The following IL31RA variants were observed in gnomAD, a reference collection of about 807,000 sequenced individuals.
The protein encoded by IL31RA is interleukin-31 receptor subunit alpha.
IL31RA carries 66 observed loss-of-function variants against 83.7 expected under a neutral mutation model. That is an observed-to-expected ratio of 0.79 (90% CI 0.65 to 0.97). The LOEUF is 0.97. Ranked by LOEUF, IL31RA falls within the 50% of genes least tolerant of loss-of-function variation. IL31RA has a pLI of 0.00. For synonymous variants in IL31RA, 325 were observed against 329.0 expected (o/e 0.99, Z 0.13); for missense variants, 798 against 919.4 (o/e 0.87, Z 1.71).
Position 55,916,737 on chromosome 5 carries a change from G to A in IL31RA, c.1912G>A (p.Asp638Asn). 6.2e-7 allele frequency: 1 copy of A among 1,614,194 alleles called. No individual in the cohort carries two copies. The highest frequency in any genetic ancestry group is 8.5e-7 in the Non-Finnish European group (1 of 1,180,024). The change falls in exon 15 of 15, where the codon GAC becomes AAC. Residue 638 changes from aspartate to asparagine, a missense_variant. Transcript: ENST00000652347. ...CSTPSDKLVI[D>N]KLVVNFGNVL... ...CACCCCCAGTGACAAGTTGGTGATT[G>A]ACAAGTTGGTGGTGAACTTTGGGAA...
rs1394777878 is a variant in IL31RA, at chr5:55,903,706, G to C, written c.1070-2400G>C. Among the ~76,000 whole-genome samples, 1 of 152,218 alleles carries C rather than the reference G, an allele frequency of 6.6e-6. No homozygotes were observed. The highest frequency in any genetic ancestry group is 2.4e-5 in the African/African-American group (1 of 41,456). Reference sequence around the variant, plus strand: ...CACCAACACTGGCTTCTTCAGGCCAGGATTTGTGGGCAATCATTTTTTAAA... The same window carrying C: ...CACCAACACTGGCTTCTTCAGGCCACGATTTGTGGGCAATCATTTTTTAAA... On this transcript the variant is annotated intron_variant, in intron 8 of 14. Coordinates refer to ENST00000652347, the MANE Select transcript of IL31RA (RefSeq NM_139017.7). This position sits in a 1 kb window ranked among gnomAD's most constrained non-coding sequence, Gnocchi z 4.7.
At chr5:55,905,968 C>G (rs1290155627) in intron 8 of IL31RA, 138 bp from the exon 9 acceptor site, 4 of 826,564 alleles carry the variant, frequency 4.8e-6, no homozygotes, top group Non-Finnish European at 2.1e-6. Context: ...GTGAAAAGAG[C>G]CCCATCCGGG....
intron 12 of IL31RA, among the ~76,000 whole-genome samples, 200 bp downstream of exon 12, chr5:55,910,872 C>T (rs577839466): frequency 3.1e-4 from 47 of 152,216 alleles, no homozygotes; most frequent in African/African-American, 1.1e-3. Flanking sequence ...AGTTGAGAGC[C>T]GAATTTGGAA....
At chr5:55,841,008 T>G in the IL31RA span, among the ~76,000 whole-genome samples, 2 of 152,152 alleles carry the variant, frequency 1.3e-5, no homozygotes, top group Non-Finnish European at 2.9e-5. Flanking sequence ...ATCAAGTAAT[T>G]AACCTGGGAT....
chr5:55,922,682 G>A lies in IL31RA; in HGVS notation c.*5562G>A, dbSNP rs894053206. ...TAGGAACAGCTTTTAAAATGCTTTTGTATTTGGGCCTTTCATACAAAAAAG... is the reference window on the plus strand; with the variant it reads ...TAGGAACAGCTTTTAAAATGCTTTTATATTTGGGCCTTTCATACAAAAAAG... On this transcript the variant is annotated 3_prime_UTR_variant, in exon 15 of 15. Transcript: ENST00000652347. 4.1e-6 allele frequency: 2 copies of A among 490,486 alleles called. No homozygotes were observed. Among genetic ancestry groups the A allele is most frequent in the Non-Finnish European group, 7.2e-6 (2 of 279,322 alleles). The allele number at this position is 490,486 out of a possible 1,614,324, so 30.4% of individuals were successfully genotyped here. A position where few individuals can be genotyped will look rare whatever the true frequency, so the allele number is the denominator to read the frequency against.
In IL31RA at chr5:55,867,169, A is replaced by ATGTGTGTGTGTGCATG. The variant is rs71602918; in HGVS notation, c.155-1612_155-1611insTGCATGTGTGTGTGTG. Among the ~76,000 whole-genome samples, 4 of 106,218 alleles carry ATGTGTGTGTGTGCATG rather than the reference A, an allele frequency of 3.8e-5. No individual in the cohort carries two copies. The East Asian group carries it at 8.6e-4, about 23-fold the overall frequency. The allele number at this position is 106,218 out of a possible 152,430, so 69.7% of individuals were successfully genotyped here. The stretch of plus-strand genomic sequence containing the variant: ...TGTGCATGTGTGTTTGTGTGTGTGC[A>ATGTGTGTGTGTGCATG]TGTGTGTGTGCATGTGTGTTTGTGT... On this transcript the variant is annotated intron_variant, in intron 2 of 14. Transcript: ENST00000652347.
Position 55,870,991 on chromosome 5 carries a change from T to C in IL31RA, c.273-1279T>C, listed in dbSNP as rs188279490. On this transcript the variant is annotated intron_variant, in intron 3 of 14. Transcript: ENST00000652347. ...ATGCAGAAATATTCAACTACAATTA[T>C]AGTAATAACAGCTCACATTTATTGA... Among the ~76,000 whole-genome samples the C allele has an allele frequency of 7.9e-5, 12 of 152,356 alleles. No individual in the cohort carries two copies. The East Asian group carries it at 2.3e-3, about 29-fold the overall frequency.
rs144831457 is a variant in IL31RA, at chr5:55,876,504, G to A, written c.454+4053G>A. Among the ~76,000 whole-genome samples, 266 of 152,304 alleles carry A rather than the reference G, an allele frequency of 1.7e-3. 3 individuals are homozygous for A. The highest frequency in any genetic ancestry group is 6.3e-3 in the African/African-American group (260 of 41,570). ...AACCTTTTTCACAGATAATGCCGGAGTTTACTTTGGTCCAGCCTCTGACAT... is the reference window on the plus strand; with the variant it reads ...AACCTTTTTCACAGATAATGCCGGAATTTACTTTGGTCCAGCCTCTGACAT... On this transcript the variant is annotated intron_variant, in intron 4 of 14. Transcript: ENST00000652347.
At chr5:55,846,670 G>A (rs150646442), upstream of IL31RA, among the ~76,000 whole-genome samples, 19 of 152,164 alleles carry the variant, frequency 1.2e-4, no homozygotes, top group African/African-American at 4.1e-4. Context: ...GGTGTCGTGC[G>A]CCTGTAATCT....
intron 2 of IL31RA, among the ~76,000 whole-genome samples, chr5:55,861,220 TCTGTC>T (rs1234638686): frequency 6.6e-6 from 1 of 152,158 alleles, no homozygotes; most frequent in East Asian, 1.9e-4. Context: ...CCTTCAGACT[TCTGTC>T]CTGGCATGGC....
At chr5:55,874,635 T>C (rs969329566) in intron 4 of IL31RA, among the ~76,000 whole-genome samples, 1 of 152,162 alleles carries the variant, frequency 6.6e-6, no homozygotes, top group Non-Finnish European at 1.5e-5. Context: ...TTAAATGCTA[T>C]TGTAAATGGA....
At chr5:55,891,165 TAG>T (rs1197484610) in intron 6 of IL31RA, among the ~76,000 whole-genome samples, 2 of 152,214 alleles carry the variant, frequency 1.3e-5, no homozygotes, top group African/African-American at 4.8e-5. Flanking sequence ...ATAAAATATG[TAG>T]AGTCACTCCC....
chr5:55,839,902 A>G, the IL31RA span: 7 of 699,996 alleles, frequency 1.0e-5, no homozygotes, highest in African/African-American at 1.1e-4. Flanking sequence ...TGAAACGAAT[A>G]CCTTGAGCCT....
At chr5:55,906,590 T>C (rs73118494) in intron 9 of IL31RA, among the ~76,000 whole-genome samples, 11,361 of 152,166 alleles carry the variant, frequency 0.075, 1,336 homozygotes, top group African/African-American at 0.25. Flanking sequence ...AACTCCAGAA[T>C]GTGGATCCCA....
intron 7 of IL31RA, among the ~76,000 whole-genome samples, chr5:55,898,236 G>A (rs1008770840): frequency 2.0e-5 from 3 of 152,176 alleles, no homozygotes; most frequent in Admixed American, 6.5e-5. Context: ...GGCCAAGTAG[G>A]GCAGCTTGCG....
rs1750109148 is a variant in IL31RA, at chr5:55,922,048, T to C, written c.*4928T>C. 4.0e-5 allele frequency among the ~76,000 whole-genome samples: 2 copies of C among 49,798 alleles called. No homozygotes were observed. Among genetic ancestry groups the C allele is most frequent in the East Asian group, 7.0e-4 (1 of 1,420 alleles). The allele number at this position is 49,798 out of a possible 152,430, so 32.7% of individuals were successfully genotyped here. A position where few individuals can be genotyped will look rare whatever the true frequency, so the allele number is the denominator to read the frequency against. On this transcript the variant is annotated 3_prime_UTR_variant, in exon 15 of 15. Transcript: ENST00000652347. ...GTGGTCAGTGTCTTGCACTCTTATGTTGTGGCGGGGGGGGGGGGCGGTTCC... is the reference window on the plus strand; with the variant it reads ...GTGGTCAGTGTCTTGCACTCTTATGCTGTGGCGGGGGGGGGGGGCGGTTCC...
chr5:55,881,405 T>A (rs1472951910), intron 4 of IL31RA, among the ~76,000 whole-genome samples: 1 of 152,016 alleles, frequency 6.6e-6, no homozygotes, highest in Non-Finnish European at 1.5e-5. Flanking sequence ...CAAGTGGGCA[T>A]CCTGGAGGTC....
At chr5:55,870,307 G>T (rs1182617480) in intron 3 of IL31RA, among the ~76,000 whole-genome samples, 1 of 152,190 alleles carries the variant, frequency 6.6e-6, no homozygotes, top group African/African-American at 2.4e-5. Context: ...CATGTAAATA[G>T]TCTTAAGCCT....
chr5:55,847,665 T>A (rs1464406449), upstream of IL31RA, among the ~76,000 whole-genome samples: 1 of 152,238 alleles, frequency 6.6e-6, no homozygotes, highest in Non-Finnish European at 1.5e-5. Flanking sequence ...TATATTATTA[T>A]GGTACATTTG....
Sources: allele counts gnomAD v4.1 joint callset (sites outside exome capture counted in the v4.1 genomes callset), GRCh38; gene constraint gnomAD v4.1.1; non-coding constraint Gnocchi (gnomAD v3.1); transcripts MANE v1.5; gene names NCBI Gene and HGNC (gene_info 2026-07-23, HGNC 2026-07-21).